The following PPIG variants were observed in gnomAD, a reference collection of about 807,000 sequenced individuals.
PPIG encodes peptidylprolyl isomerase G.
PPIG carries 26 observed loss-of-function variants against 87.9 expected under a neutral mutation model. That is an observed-to-expected ratio of 0.30 (90% confidence interval 0.22 to 0.41). PPIG has a LOEUF of 0.41. PPIG is among the 10% of genes least tolerant of loss of function. The pLI is 1.00. For synonymous variants in PPIG, 308 were observed against 276.5 expected (o/e 1.11, Z -1.13); for missense variants, 722 against 879.4 (o/e 0.82, Z 2.26).
intron 5 of PPIG, 111 bp from the exon 6 acceptor site, chr2:169,606,993 A>G (rs1371054090): frequency 4.1e-6 from 3 of 727,448 alleles, no homozygotes; most frequent in Admixed American, 2.6e-5. Flanking sequence ...CAATCTTCGA[A>G]TATTGTTAAT....
intron 9 of PPIG, among the ~76,000 whole-genome samples, chr2:169,627,852 T>C (rs1685933528): frequency 6.6e-6 from 1 of 151,938 alleles, no homozygotes; most frequent in African/African-American, 2.4e-5. Context: ...AATTGTGGGG[T>C]AAAGAGTTAC....
chr2:169,586,638 G>A (rs1378354747), intron 1 of PPIG, among the ~76,000 whole-genome samples: 1 of 152,074 alleles, frequency 6.6e-6, no homozygotes, highest in Non-Finnish European at 1.5e-5. Context: ...TTTCTGTGAG[G>A]CAGCATCCTC....
At chr2:169,632,235 GT>G (rs1458464951) in intron 11 of PPIG, among the ~76,000 whole-genome samples, 2 of 152,110 alleles carry the variant, frequency 1.3e-5, no homozygotes, top group Non-Finnish European at 2.9e-5. Context: ...ACAAGATAGT[GT>G]TTTATAGTGT....
intron 1 of PPIG, among the ~76,000 whole-genome samples, chr2:169,593,352 G>T (rs945500486): frequency 2.4e-4 from 36 of 151,878 alleles, no homozygotes; most frequent in Non-Finnish European, 4.6e-4. Context: ...CCACCACCAT[G>T]CCCGGCTATT....
intron 1 of PPIG, among the ~76,000 whole-genome samples, chr2:169,585,550 C>T (rs752371121): frequency 3.9e-5 from 6 of 152,072 alleles, no homozygotes; most frequent in Non-Finnish European, 7.4e-5. Flanking sequence ...AGAGCCACCG[C>T]GCACGGCCAG....
chr2:169,615,667 A>T (rs1219102175), intron 9 of PPIG, among the ~76,000 whole-genome samples: 1 of 152,122 alleles, frequency 6.6e-6, no homozygotes, highest in African/African-American at 2.4e-5. Flanking sequence ...CATTGTGTAT[A>T]TAAACCACAT....
intron 1 of PPIG, among the ~76,000 whole-genome samples, chr2:169,599,893 T>C (rs1368093286): frequency 6.6e-6 from 1 of 152,178 alleles, no homozygotes; most frequent in Admixed American, 6.5e-5. Context: ...TTTTTTTCTT[T>C]TTAATTTCAC....
chr2:169,591,781 A>T (rs1329527849), intron 1 of PPIG, among the ~76,000 whole-genome samples: 2 of 149,504 alleles, frequency 1.3e-5, no homozygotes, highest in East Asian at 3.9e-4. Context: ...ACATATTGTG[A>T]TTTTTTTTTT....
In PPIG at chr2:169,604,061, G is replaced by A. The variant is rs1276928509; in HGVS notation, c.20G>A (p.Arg7His). The A allele has an allele frequency of 1.2e-6, 2 of 1,613,762 alleles. No individual in the cohort carries two copies. The highest frequency in any genetic ancestry group is 1.7e-6 in the Non-Finnish European group (2 of 1,179,798). MGIKVQ[R>H]PRCFFDIAIN... The stretch of plus-strand genomic sequence containing the variant: ...GGAGCCATGGGAATAAAGGTTCAAC[G>A]TCCTCGATGTTTTTTTGACATTGCC... The change falls in exon 3 of 14, where the codon CGT (arginine) becomes CAT (histidine). Residue 7 changes from arginine (R) to histidine (H), a missense_variant. This residue lies in a region of PPIG where 99 missense variants were observed against 215.8 expected (regional missense o/e 0.46). Coordinates refer to ENST00000260970, the MANE Select transcript of PPIG (RefSeq NM_004792.3).
chr2:169,636,504 C>T lies in PPIG; in HGVS notation c.1246C>T (p.Pro416Ser), dbSNP rs1452599342. 50 of 1,608,228 alleles carry T rather than the reference C, an allele frequency of 3.1e-5. No individual in the cohort carries two copies. Among genetic ancestry groups the T allele is most frequent in the Non-Finnish European group, 3.9e-5 (46 of 1,178,160 alleles). ...ITDHRNVSES[P>S]NRKNEKEKKV... ...AGATCACAGGAATGTATCTGAGAGTCCAAACAGAAAAAATGAAAAGGAGAA... is the reference window on the plus strand; with the variant it reads ...AGATCACAGGAATGTATCTGAGAGTTCAAACAGAAAAAATGAAAAGGAGAA... Residue 416 changes from proline to serine, a missense_variant, in exon 14 of 14, where the codon CCA (proline) becomes TCA (serine). By Grantham distance (74) the Pro-to-Ser change is moderately conservative. Transcript: ENST00000260970.
intron 1 of PPIG, among the ~76,000 whole-genome samples, chr2:169,595,661 G>GT (rs1215615456): frequency 2.0e-5 from 3 of 152,122 alleles, no homozygotes; most frequent in Non-Finnish European, 4.4e-5. Context: ...AACATGTGAA[G>GT]TTTGTCCTTC....
At chr2:169,636,275 T>C (rs1686178792) in intron 13 of PPIG, 47 bp downstream of exon 13, 1 of 1,543,656 alleles carries the variant, frequency 6.5e-7, no homozygotes, top group Admixed American at 2.2e-5. Flanking sequence ...AAGTGTTTGC[T>C]TTTACTATTA....
At chr2:169,602,602 G>A (rs965990722) in intron 1 of PPIG, among the ~76,000 whole-genome samples, 12 of 152,274 alleles carry the variant, frequency 7.9e-5, no homozygotes, top group East Asian at 1.9e-4. Flanking sequence ...GTGAGCCACC[G>A]CACCCGGCCC....
intron 2 of PPIG, 47 bp from the exon 3 acceptor site, chr2:169,603,979 T>A (rs1257028158): frequency 7.0e-7 from 1 of 1,429,556 alleles, no homozygotes; most frequent in Non-Finnish European, 9.7e-7. Context: ...TTGTGAAAGA[T>A]CTTTGCTATT....
intron 7 of PPIG, among the ~76,000 whole-genome samples, chr2:169,613,938 A>G (rs1448041069): frequency 6.6e-6 from 1 of 152,244 alleles, no homozygotes; most frequent in Non-Finnish European, 1.5e-5. Context: ...AATCAAAAAA[A>G]TAAAAACAAA....
At chr2:169,608,410 A>G (rs1266841187) in intron 6 of PPIG, among the ~76,000 whole-genome samples, 3 of 151,864 alleles carry the variant, frequency 2.0e-5, no homozygotes, top group East Asian at 1.9e-4. Context: ...AATGGCGTGA[A>G]CCCAGGAGGT....
chr2:169,628,561 G>A (rs1407606834), intron 9 of PPIG, among the ~76,000 whole-genome samples: 3 of 152,138 alleles, frequency 2.0e-5, no homozygotes, highest in African/African-American at 7.2e-5. Context: ...TGTAGTCCTA[G>A]CTACTCAGGA....
At chr2:169,634,648 C>A (rs1478651788) in intron 12 of PPIG, among the ~76,000 whole-genome samples, 1 of 152,178 alleles carries the variant, frequency 6.6e-6, no homozygotes, top group Admixed American at 6.6e-5. Flanking sequence ...TAATCTGATT[C>A]TCCCCTTTCA....
At chr2:169,604,515 A>T (rs887732428) in intron 4 of PPIG, among the ~76,000 whole-genome samples, 1 of 151,258 alleles carries the variant, frequency 6.6e-6, no homozygotes. Context: ...CTCCATGCAT[A>T]TTACTTTTCT....
Sources: gnomAD v4.1 joint callset for allele counts (sites outside exome capture counted in the v4.1 genomes callset) on GRCh38, gnomAD v4.1.1 for gene constraint, gnomAD v4.1.1 regional missense constraint, MANE v1.5 for transcripts, NCBI Gene and HGNC (gene_info 2026-07-23, HGNC 2026-07-21) for gene names.